ECT2L: variants seen among roughly 807,000 people sequenced by gnomAD.
ECT2L encodes the protein epithelial cell-transforming sequence 2 oncogene-like.
In ECT2L, 126 loss-of-function variants were observed where a neutral mutation model predicts 122.8. The observed-to-expected ratio is 1.03, with a 90% CI of 0.89 to 1.19. ECT2L has a LOEUF of 1.19. ECT2L is among the 50% of genes most tolerant of loss of function. The pLI, the probability that ECT2L is intolerant of heterozygous loss-of-function variation, is 0.00. For missense variants in ECT2L, 1,012 were observed against 1,064.1 expected (o/e 0.95, Z 0.68); for synonymous variants, 385 against 381.8 (o/e 1.01, Z -0.10).
At chr6:138,886,592 A>G (rs146029692) in intron 18 of ECT2L, among the ~76,000 whole-genome samples, 184 of 151,906 alleles carry the variant, frequency 1.2e-3, no homozygotes, top group Non-Finnish European at 2.3e-3. Context: ...GCTTTTTTAA[A>G]ATGTGTGTAG....
intron 19 of ECT2L, 128 bp from the exon 20 acceptor site, chr6:138,888,815 T>C (rs982527651): frequency 2.8e-6 from 1 of 360,670 alleles, no homozygotes; most frequent in African/African-American, 2.1e-5. Flanking sequence ...AGTGAAAATA[T>C]TCACTTTTTC....
intron 20 of ECT2L, among the ~76,000 whole-genome samples, chr6:138,896,100 T>TTTTTTTTTC: frequency 1.6e-5 from 2 of 127,866 alleles, no homozygotes; most frequent in African/African-American, 8.1e-5. Context: ...GAATTTTTTT[T>TTTTTTTTTC]TTTTTTTCCT....
chr6:138,871,760 G>A (rs913819654), intron 13 of ECT2L, among the ~76,000 whole-genome samples: 2 of 151,886 alleles, frequency 1.3e-5, no homozygotes, highest in Admixed American at 6.6e-5. Flanking sequence ...AGCCAAGATC[G>A]CGCCATTGCA....
chr6:138,854,010 G>T lies in ECT2L; in HGVS notation c.1070-16G>T. On this transcript the variant is annotated splice_polypyrimidine_tract_variant and intron_variant, in intron 9 of 21. Coordinates refer to ENST00000541398, the MANE Select transcript of ECT2L (RefSeq NM_001077706.3). ...ATGTTACAAGCTAATATGACATTTT[G>T]ATTTTTTTTCCTCAGGCTATAAAAT... The T allele has an allele frequency of 6.2e-7, 1 of 1,610,726 alleles. No individual in the cohort carries two copies. Among genetic ancestry groups the T allele is most frequent in the South Asian group, 1.1e-5 (1 of 90,822 alleles).
intron 4 of ECT2L, among the ~76,000 whole-genome samples, chr6:138,826,696 T>C (rs150786966): frequency 5.3e-5 from 8 of 152,118 alleles, no homozygotes; most frequent in African/African-American, 1.9e-4. Flanking sequence ...CTGATTGAGT[T>C]TGGATATTAG....
intron 8 of ECT2L, among the ~76,000 whole-genome samples, 199 bp downstream of exon 8, chr6:138,846,876 C>T (rs1777241004): frequency 6.7e-6 from 1 of 148,710 alleles, no homozygotes; most frequent in African/African-American, 2.5e-5. Flanking sequence ...GTGGGAGGAT[C>T]ACTGGAGCCC....
chr6:138,889,782 T>C (rs900797275), intron 20 of ECT2L, among the ~76,000 whole-genome samples: 1 of 152,050 alleles, frequency 6.6e-6, no homozygotes, highest in African/African-American at 2.4e-5. Context: ...CAGAGTAGTG[T>C]AAGAAAAAAA....
At position 138,814,114 on chromosome 6, in the gene ECT2L, G is replaced by A. The variant is rs114740421; in HGVS notation, c.67-377G>A. Among the ~76,000 whole-genome samples the A allele has an allele frequency of 3.2e-3, 488 of 152,278 alleles. 6 individuals carry two copies. The highest frequency in any genetic ancestry group is 0.011 in the African/African-American group (438 of 41,556). ...TGGTTCTGTTTTCACAATTAAATGA[G>A]TGTAGCCCGTATATGTTTTCAAAAT... On this transcript the variant is annotated intron_variant, in intron 3 of 21. Coordinates refer to ENST00000541398, the MANE Select transcript of ECT2L (RefSeq NM_001077706.3).
chr6:138,889,616 G>A (rs1400105444), intron 20 of ECT2L, among the ~76,000 whole-genome samples: 4 of 152,156 alleles, frequency 2.6e-5, no homozygotes, highest in South Asian at 2.1e-4. Flanking sequence ...CACTGCACCC[G>A]GCCACTTTTC....
chr6:138,888,477 AT>A (rs11330502), intron 19 of ECT2L, among the ~76,000 whole-genome samples: 88,883 of 151,084 alleles, frequency 0.59, 26,546 homozygotes, highest in Non-Finnish European at 0.64. Context: ...CACCTGGCTA[AT>A]TTTTTTTGTA....
chr6:138,881,256 G>A lies in ECT2L; in HGVS notation c.1880+85G>A, dbSNP rs2128407244. The A allele has an allele frequency of 6.8e-6, 9 of 1,328,452 alleles. 1 individual carries two copies. Among genetic ancestry groups the A allele is most frequent in the Middle Eastern group, 4.6e-4 (2 of 4,360 alleles). 82.3% of individuals were successfully genotyped at this position (1,328,452 alleles called of 1,614,324 possible). On this transcript the variant is annotated intron_variant, in intron 15 of 21. Transcript: ENST00000541398. The stretch of plus-strand genomic sequence containing the variant: ...TTATTGTTTCAAAAGCAGTATGGAG[G>A]TGCAATGATGCTCTGACCCTCTTAG...
intron 4 of ECT2L, among the ~76,000 whole-genome samples, chr6:138,837,254 AG>A (rs1372733680): frequency 1.3e-5 from 2 of 152,134 alleles, no homozygotes; most frequent in African/African-American, 4.8e-5. Flanking sequence ...TTTTTCCAAA[AG>A]TGAGAAACCT....
At chr6:138,868,082 C>CA in intron 12 of ECT2L, 21 bp from the exon 13 acceptor site, 1 of 1,502,468 alleles carries the variant, frequency 6.7e-7, no homozygotes, top group East Asian at 2.3e-5. Context: ...AATTACAGGG[C>CA]ATGTGGCCTT....
Position 138,814,652 on chromosome 6 carries a change from G to A in ECT2L, c.179+49G>A, listed in dbSNP as rs144113231. 1,819 of 1,139,588 alleles carry A rather than the reference G, an allele frequency of 1.6e-3. 23 individuals carry two copies. The African/African-American group carries it at 0.025, about 15-fold the overall frequency. The allele number at this position is 1,139,588 out of a possible 1,614,324, so 70.6% of individuals were successfully genotyped here. ...TTAACATTGATTCTTAAAGAAAACCGTATATAAATGTTTATATAACCTTTA... is the reference window on the plus strand; with the variant it reads ...TTAACATTGATTCTTAAAGAAAACCATATATAAATGTTTATATAACCTTTA... On this transcript the variant is annotated intron_variant, in intron 4 of 21. Coordinates refer to ENST00000541398, the MANE Select transcript of ECT2L (RefSeq NM_001077706.3).
In ECT2L at chr6:138,827,861, T is replaced by C. The variant is rs9399257; in HGVS notation, c.180-10491T>C. ...GCATAAGACACCACGCCCAGCCCCCTGGATTATTTTAAAGCAAACTCTAGA... is the reference window on the plus strand; with the variant it reads ...GCATAAGACACCACGCCCAGCCCCCCGGATTATTTTAAAGCAAACTCTAGA... On this transcript the variant is annotated intron_variant, in intron 4 of 21. Transcript: ENST00000541398. 7.9e-4 allele frequency among the ~76,000 whole-genome samples: 121 copies of C among 152,312 alleles called. 3 individuals carry two copies. In the East Asian group the frequency reaches 0.021, roughly 27 times the overall value.
In ECT2L at chr6:138,849,466, T is replaced by C. The variant is rs1434272467; in HGVS notation, c.1069+32T>C. 2.5e-6 allele frequency: 4 copies of C among 1,593,720 alleles called. No individual in the cohort carries two copies. In the South Asian group the frequency reaches 4.6e-5, roughly 18 times the overall value. ...CTGGGGATTGGCGGATGAACAACCA[T>C]GGAACTTCGCGCTGTGCACTTTGTC... is the stretch of plus-strand genomic sequence containing the variant. On this transcript the variant is annotated intron_variant, in intron 9 of 21. Transcript: ENST00000541398.
Position 138,868,176 on chromosome 6 carries a change from T to C in ECT2L, c.1548T>C (p.Asp516=). ...NNQDTAQALA[D]GLMELSKEDS... ...AAGATACTGCGCAAGCTCTGGCAGA[T>C]GGATTGATGGAGTTGTCAAAAGAAG... Residue 516 remains aspartate (D), a synonymous_variant, in exon 13 of 22, where the codon GAT becomes GAC. Coordinates refer to ENST00000541398, the MANE Select transcript of ECT2L (RefSeq NM_001077706.3). 6.2e-7 allele frequency: 1 copy of C among 1,613,594 alleles called. No individual in the cohort carries two copies. Among genetic ancestry groups the C allele is most frequent in the Non-Finnish European group, 8.5e-7 (1 of 1,179,758 alleles).
At chr6:138,886,800 T>C (rs999940464) in intron 18 of ECT2L, 57 bp from the exon 19 acceptor site, 43 of 1,210,038 alleles carry the variant, frequency 3.6e-5, no homozygotes, top group Non-Finnish European at 5.1e-5. Context: ...ATCTATTTCT[T>C]TTATGAATAA....
At chr6:138,866,541 G>A (rs891328506) in intron 12 of ECT2L, among the ~76,000 whole-genome samples, 12 of 151,322 alleles carry the variant, frequency 7.9e-5, no homozygotes, top group Non-Finnish European at 1.5e-4. Flanking sequence ...GTGAGCCACC[G>A]TGCCCAGCCT....
Sources: allele counts gnomAD v4.1 joint callset (sites outside exome capture counted in the v4.1 genomes callset), GRCh38; gene constraint gnomAD v4.1.1; transcripts MANE v1.5; gene names NCBI Gene and HGNC (gene_info 2026-07-23, HGNC 2026-07-21).